The following LNX2 variants were observed in gnomAD, a reference collection of about 807,000 sequenced individuals.
The protein encoded by LNX2 is ligand of numb-protein X 2.
Under a neutral mutation model 66.2 loss-of-function variants are expected in LNX2, and 35 were observed. The ratio of observed to expected loss-of-function variants is 0.53; its 90% CI spans 0.40 to 0.70. The LOEUF (loss-of-function observed/expected upper bound fraction) is 0.70, where lower values mean the gene tolerates loss of function less well. Among genes scored for constraint, LNX2 ranks in the 30% least tolerant of loss-of-function variants. LNX2 has a pLI of 0.00. For synonymous variants in LNX2, 337 were observed against 315.6 expected (o/e 1.07, Z -0.72); for missense variants, 791 against 850.8 (o/e 0.93, Z 0.87).
chr13:27,552,851 A>T (rs1441344218), intron 8 of LNX2, among the ~76,000 whole-genome samples: 2 of 152,226 alleles, frequency 1.3e-5, no homozygotes, highest in East Asian at 3.9e-4. Context: ...GATGGGGGGA[A>T]GCCCCAAGAT....
chr13:27,560,065 A>G, intron 5 of LNX2, 80 bp from the exon 6 acceptor site: 6 of 1,293,562 alleles, frequency 4.6e-6, no homozygotes, highest in Non-Finnish European at 4.2e-6. Flanking sequence ...GTAATTTTCA[A>G]TGAACTTCTT....
intron 6 of LNX2, 99 bp from the exon 7 acceptor site, chr13:27,556,512 A>G (rs1955063127): frequency 3.0e-6 from 3 of 999,712 alleles, no homozygotes; most frequent in African/African-American, 3.3e-5. Flanking sequence ...TGGCATTTAT[A>G]AAGTAATTAT....
chr13:27,577,492 G>T (rs1385164512), intron 2 of LNX2, among the ~76,000 whole-genome samples: 1 of 151,914 alleles, frequency 6.6e-6, no homozygotes, highest in African/African-American at 2.4e-5. Flanking sequence ...ACGGGAAGAA[G>T]AATAATTGTC....
intron 1 of LNX2, among the ~76,000 whole-genome samples, chr13:27,585,146 C>T (rs12561163): frequency 2.0e-5 from 3 of 150,522 alleles, no homozygotes; most frequent in Non-Finnish European, 4.4e-5. Flanking sequence ...AAAAAATGGG[C>T]GAGGCACGGT....
intron 1 of LNX2, among the ~76,000 whole-genome samples, chr13:27,602,511 T>C (rs1226352663): frequency 6.7e-6 from 1 of 149,284 alleles, no homozygotes; most frequent in East Asian, 1.9e-4. Flanking sequence ...TTACTCAGCA[T>C]GTTTTTGAGA....
Position 27,572,107 on chromosome 13 carries a change from C to A in LNX2, c.408-2831G>T, listed in dbSNP as rs147344622. The stretch of plus-strand genomic sequence containing the variant: ...ATTCCTATGGTATTCTTTTTCTAGG[C>A]CTTGGGAAAATATAAATTGAATTTC... On this transcript the variant is annotated intron_variant, in intron 2 of 9. Coordinates refer to ENST00000316334, the MANE Select transcript of LNX2 (RefSeq NM_153371.4). Among the ~76,000 whole-genome samples the A allele has an allele frequency of 3.4e-3, 524 of 152,206 alleles. 1 individual carries two copies. The highest frequency in any genetic ancestry group is 0.012 in the African/African-American group (501 of 41,518).
chr13:27,619,707 T>C (rs765273499), intron 1 of LNX2, among the ~76,000 whole-genome samples: 3 of 152,230 alleles, frequency 2.0e-5, no homozygotes, highest in Non-Finnish European at 2.9e-5. Flanking sequence ...AAACACTACA[T>C]GAGTCAAAAG....
chr13:27,604,359 G>A (rs1022716234), intron 1 of LNX2, among the ~76,000 whole-genome samples: 1 of 152,242 alleles, frequency 6.6e-6, no homozygotes, highest in African/African-American at 2.4e-5. Context: ...AGTCAGCAGT[G>A]CACTCCATGC....
intron 1 of LNX2, among the ~76,000 whole-genome samples, chr13:27,601,307 T>C (rs979040949): frequency 1.8e-4 from 27 of 152,144 alleles, no homozygotes; most frequent in African/African-American, 6.0e-4. Flanking sequence ...AATTAAGATA[T>C]TTTTACTGTT....
At position 27,615,878 on chromosome 13, in the gene LNX2, A is replaced by G. The variant is rs367701574; in HGVS notation, c.-101+4497T>C. On this transcript the variant is annotated intron_variant, in intron 1 of 9. Transcript: ENST00000316334. ...AATGACTGTTTCAAAGATTTGGAGA[A>G]GTCTGTGAGCCAAGCCAGATCAAAG... Among the ~76,000 whole-genome samples, 14 of 152,276 alleles carry G rather than the reference A, an allele frequency of 9.2e-5. No homozygotes were observed. In the East Asian group the frequency reaches 2.7e-3, roughly 29 times the overall value.
At chr13:27,593,725 G>A (rs1449317228) in intron 1 of LNX2, among the ~76,000 whole-genome samples, 12 of 148,066 alleles carry the variant, frequency 8.1e-5, no homozygotes, top group East Asian at 3.9e-4. Flanking sequence ...CCACCACCAC[G>A]CCTGGTTTTT....
At chr13:27,552,927 C>T (rs1379718622) in intron 8 of LNX2, among the ~76,000 whole-genome samples, 1 of 152,136 alleles carries the variant, frequency 6.6e-6, no homozygotes, top group African/African-American at 2.4e-5. Context: ...TGCTGGTAAA[C>T]GACAACTTTT....
intron 5 of LNX2, among the ~76,000 whole-genome samples, chr13:27,560,565 G>GTGTATATATATA (rs35007288): frequency 9.9e-4 from 119 of 120,008 alleles, no homozygotes; most frequent in Non-Finnish European, 1.5e-3. Context: ...ATGTATGTGT[G>GTGTATATATATA]TATATATATA....
chr13:27,618,074 T>G (rs1368103542), intron 1 of LNX2, among the ~76,000 whole-genome samples: 2 of 152,182 alleles, frequency 1.3e-5, no homozygotes, highest in African/African-American at 4.8e-5. Context: ...GGGTAAGTAA[T>G]AGAATTAGAA....
intron 1 of LNX2, among the ~76,000 whole-genome samples, chr13:27,594,462 G>A (rs1955575450): frequency 2.0e-5 from 3 of 152,030 alleles, no homozygotes; most frequent in Non-Finnish European, 4.4e-5. Flanking sequence ...TTTTCCCTTT[G>A]AGAGTTCTTC....
intron 1 of LNX2, among the ~76,000 whole-genome samples, chr13:27,613,925 T>C (rs1421757021): frequency 2.6e-5 from 4 of 152,228 alleles, no homozygotes; most frequent in East Asian, 3.8e-4. Context: ...TCTTAGGTAC[T>C]TGTTAAATAC....
At chr13:27,583,913 T>A (rs1163824020) in intron 1 of LNX2, among the ~76,000 whole-genome samples, 1 of 151,870 alleles carries the variant, frequency 6.6e-6, no homozygotes, top group Non-Finnish European at 1.5e-5. Context: ...CGGAAATACT[T>A]TCAAAAGGGA....
chr13:27,556,964 G>T (rs1446545226), intron 6 of LNX2, among the ~76,000 whole-genome samples: 1 of 152,086 alleles, frequency 6.6e-6, no homozygotes, highest in Non-Finnish European at 1.5e-5. Flanking sequence ...AAGCTAAAAG[G>T]ATATAAAATG....
Position 27,562,634 on chromosome 13 carries a change from C to G in LNX2, c.1003G>C (p.Glu335Gln), listed in dbSNP as rs1955149646. ...HNHSDSNSPR[E>Q]EIFQVALHKR... ...TGAAGAGCCACTTGGAAAATCTCTT[C>G]TCGTGGAGAGTTACTATCAGAATGG... Residue 335 changes from glutamate to glutamine, a missense_variant, in exon 5 of 10, where the codon GAA (glutamate) becomes CAA (glutamine). Coordinates refer to ENST00000316334, the MANE Select transcript of LNX2 (RefSeq NM_153371.4). 9 of 1,614,174 alleles carry G rather than the reference C, an allele frequency of 5.6e-6. No individual in the cohort carries two copies. The highest frequency in any genetic ancestry group is 1.3e-5 in the African/African-American group (1 of 75,070).
Sources: allele counts gnomAD v4.1 joint callset (sites outside exome capture counted in the v4.1 genomes callset), GRCh38; gene constraint gnomAD v4.1.1; transcripts MANE v1.5; gene names NCBI Gene and HGNC (gene_info 2026-07-23, HGNC 2026-07-21).